The following CCDC7 variants were observed in gnomAD, a reference collection of about 807,000 sequenced individuals.
The protein encoded by CCDC7 is coiled-coil domain containing 7.
CCDC7 carries 183 observed loss-of-function variants against 196.9 expected under a neutral mutation model. The ratio of observed to expected loss-of-function variants is 0.93; its 90% confidence interval spans 0.82 to 1.05. CCDC7 has a LOEUF of 1.05. Ranked by LOEUF, CCDC7 falls within the 50% of genes least tolerant of loss-of-function variation. CCDC7 has a pLI of 0.00. For missense variants in CCDC7, 1,540 were observed against 1,482.2 expected (o/e 1.04, Z -0.64); for synonymous variants, 525 against 484.6 (o/e 1.08, Z -1.10).
chr10:32,819,797 T>G (rs373434153), intron 31 of CCDC7, among the ~76,000 whole-genome samples: 1 of 152,024 alleles, frequency 6.6e-6, no homozygotes, highest in Non-Finnish European at 1.5e-5. Flanking sequence ...AATAAATTAG[T>G]TATTGATGGG....
rs1234009145 is a variant in CCDC7 at position 32,845,339 on chromosome 10, AT to A, written c.3436+18del. The A allele has an allele frequency of 2.0e-6, 3 of 1,520,298 alleles. No homozygotes were observed. The allele number at this position is 1,520,298 out of a possible 1,614,324, so 94.2% of individuals were successfully genotyped here. On this transcript the variant is annotated intron_variant, in intron 34 of 41. Coordinates refer to ENST00000639629, the Ensembl canonical transcript of CCDC7. The stretch of plus-strand genomic sequence containing the variant: ...AAGGGTCACCAAAGTAAGAAAAAGA[AT>A]TTTTCACATCTAATATTTATGGCTG...
At chr10:32,466,115 T>G (rs2036714362) in intron 5 of CCDC7, among the ~76,000 whole-genome samples, 1 of 152,312 alleles carries the variant, frequency 6.6e-6, no homozygotes, top group Non-Finnish European at 1.5e-5. Flanking sequence ...CACTGCACAG[T>G]ATACTTCTGA....
chr10:32,803,404 GT>G (rs1188044524), intron 29 of CCDC7, among the ~76,000 whole-genome samples: 6 of 152,134 alleles, frequency 3.9e-5, no homozygotes, highest in East Asian at 1.9e-4. Flanking sequence ...AATAATTCCT[GT>G]TTAGAACTGG....
At chr10:32,647,570 C>A (rs2068003589) in intron 20 of CCDC7, among the ~76,000 whole-genome samples, 1 of 151,712 alleles carries the variant, frequency 6.6e-6, no homozygotes, top group Admixed American at 6.6e-5. Flanking sequence ...TTTTGACTTG[C>A]ATTACTCTAA....
chr10:32,476,424 C>A (rs1402239763), intron 8 of CCDC7, among the ~76,000 whole-genome samples: 2 of 149,524 alleles, frequency 1.3e-5, no homozygotes, highest in African/African-American at 5.1e-5. Flanking sequence ...GATAAATAAT[C>A]AATTTATGGA....
At chr10:32,848,187 G>A (rs926843308) in intron 38 of CCDC7, among the ~76,000 whole-genome samples, 1 of 152,070 alleles carries the variant, frequency 6.6e-6, no homozygotes, top group East Asian at 1.9e-4. Context: ...TACTTTTATA[G>A]CAATAGAATT....
At chr10:32,695,080 C>A in intron 24 of CCDC7, 88 bp downstream of exon 25, 2 of 570,086 alleles carry the variant, frequency 3.5e-6, no homozygotes. Context: ...TGTAGTTGAG[C>A]ATATAGTTTA....
chr10:32,699,992 C>A (rs2078397023), intron 24 of CCDC7, among the ~76,000 whole-genome samples: 1 of 149,370 alleles, frequency 6.7e-6, no homozygotes, highest in Non-Finnish European at 1.5e-5. Flanking sequence ...AATTTTCTCC[C>A]ATTCTGTAGG....
intron 11 of CCDC7, among the ~76,000 whole-genome samples, chr10:32,518,759 A>G (rs2135537219): frequency 6.6e-6 from 1 of 152,272 alleles, no homozygotes; most frequent in South Asian, 2.1e-4. Context: ...ATTTAACTTT[A>G]TTAAACTAAC....
At chr10:32,740,943 A>G (rs1037017641) in intron 28 of CCDC7, among the ~76,000 whole-genome samples, 6 of 151,962 alleles carry the variant, frequency 3.9e-5, no homozygotes, top group African/African-American at 1.4e-4. Context: ...TGAAGATAAT[A>G]TTAAATGTTT....
intron 24 of CCDC7, among the ~76,000 whole-genome samples, chr10:32,696,686 CT>C (rs1333809072): frequency 6.6e-6 from 1 of 152,162 alleles, no homozygotes; most frequent in African/African-American, 2.4e-5. Context: ...CATTAATCTC[CT>C]TTTGTGAGTC....
upstream of CCDC7, among the ~76,000 whole-genome samples, chr10:32,448,655 A>C (rs1249817583): frequency 6.6e-6 from 1 of 151,928 alleles, no homozygotes. Flanking sequence ...AACTTTTGCC[A>C]TGGTTTCTGG....
chr10:32,871,223 C>T (rs182298118), intron 41 of CCDC7, among the ~76,000 whole-genome samples: 5,826 of 152,174 alleles, frequency 0.038, 114 homozygotes, highest in Middle Eastern at 0.051. Flanking sequence ...GTGAATCCAT[C>T]GGGTCCTGGA....
intron 18 of CCDC7, among the ~76,000 whole-genome samples, chr10:32,628,998 A>G (rs557864272): frequency 1.3e-5 from 2 of 152,212 alleles, no homozygotes; most frequent in South Asian, 2.1e-4. Context: ...TATTCTGTAT[A>G]TATCTATTAG....
chr10:32,648,915 T>A (rs960802713), intron 20 of CCDC7, among the ~76,000 whole-genome samples: 3 of 152,190 alleles, frequency 2.0e-5, no homozygotes, highest in Non-Finnish European at 1.5e-5. Context: ...CCTAAATACC[T>A]ATCAATGACA....
intron 11 of CCDC7, among the ~76,000 whole-genome samples, chr10:32,542,340 G>A (rs924744748): frequency 6.6e-6 from 1 of 152,140 alleles, no homozygotes; most frequent in African/African-American, 2.4e-5. Context: ...AACAATGAGT[G>A]AAAGCAGAAA....
chr10:32,547,202 T>G (rs533087384), intron 13 of CCDC7, among the ~76,000 whole-genome samples: 1 of 152,156 alleles, frequency 6.6e-6, no homozygotes, highest in South Asian at 2.1e-4. Flanking sequence ...GTTTTTTAAG[T>G]TTTTTGTAAC....
At chr10:32,609,367 T>C (rs779666701) in intron 18 of CCDC7, among the ~76,000 whole-genome samples, 1 of 152,222 alleles carries the variant, frequency 6.6e-6, no homozygotes, top group African/African-American at 2.4e-5. Context: ...AATGATCTTC[T>C]TTGTCACTTT....
intron 23 of CCDC7, 88 bp downstream of exon 24, chr10:32,689,251 AC>A: frequency 1.2e-6 from 1 of 810,696 alleles, no homozygotes; most frequent in Non-Finnish European, 1.9e-6. Flanking sequence ...AAAGTTTTAC[AC>A]TTTGACTAAA....
Sources: allele counts gnomAD v4.1 joint callset (sites outside exome capture counted in the v4.1 genomes callset), GRCh38; gene constraint gnomAD v4.1.1; transcripts MANE v1.5; gene names NCBI Gene and HGNC (gene_info 2026-07-23, HGNC 2026-07-21).